PTPRD: variants seen among roughly 807,000 people sequenced by gnomAD.
PTPRD encodes the protein protein tyrosine phosphatase receptor type D.
A neutral mutation model predicts 214.5 loss-of-function variants in PTPRD; 34 were observed. The ratio of observed to expected loss-of-function variants is 0.16; its 90% confidence interval spans 0.12 to 0.21. The LOEUF (loss-of-function observed/expected upper bound fraction) is 0.21. PTPRD is among the 10% of genes least tolerant of loss of function. The pLI is 1.00. For missense variants in PTPRD, 2,545 were observed against 2,398.7 expected, an observed-to-expected ratio of 1.06 and a Z score of -1.27; for synonymous variants, 1,128 against 845.7, an observed-to-expected ratio of 1.33 and a Z score of -5.79.
At chr9:8,849,791 G>T (rs982512910) in intron 11 of PTPRD, among the ~76,000 whole-genome samples, 5 of 152,186 alleles carry the variant, frequency 3.3e-5, no homozygotes, top group African/African-American at 1.2e-4. Context: ...TTTGGGAGCA[G>T]ACTGCAAAGG....
At chr9:9,149,206 A>G (rs1359981268) in intron 10 of PTPRD, among the ~76,000 whole-genome samples, 1 of 152,206 alleles carries the variant, frequency 6.6e-6, no homozygotes, top group Non-Finnish European at 1.5e-5. Flanking sequence ...GAATAATAAC[A>G]TTATCTACCT....
rs547497776 is a variant in PTPRD at position 9,457,916 on chromosome 9, C to T, written c.-236-60434G>A. ...CCTACTACCATCATTGGTGGTGTTT[C>T]CCGTCTAACATTGTCATGTCTAAAA... On this transcript the variant is annotated intron_variant, in intron 8 of 45. Coordinates refer to ENST00000381196, the MANE Select transcript of PTPRD (RefSeq NM_002839.4). Among the ~76,000 whole-genome samples, 9 of 152,082 alleles carry T rather than the reference C, an allele frequency of 5.9e-5. No individual in the cohort carries two copies. The South Asian group carries it at 1.7e-3, about 28-fold the overall frequency.
intron 2 of PTPRD, among the ~76,000 whole-genome samples, chr9:10,393,686 CTA>C (rs1042814946): frequency 2.1e-5 from 3 of 144,558 alleles, no homozygotes; most frequent in African/African-American, 2.5e-5. Flanking sequence ...TTGGGTCTTG[CTA>C]TATATATATA....
chr9:9,275,075 T>TAAA (rs1555158934), intron 9 of PTPRD, among the ~76,000 whole-genome samples: 1 of 76,876 alleles, frequency 1.3e-5, no homozygotes, highest in Non-Finnish European at 2.4e-5. Flanking sequence ...ATTATATATA[T>TAAA]ATATATAATA....
intron 2 of PTPRD, among the ~76,000 whole-genome samples, chr9:10,427,215 G>A (rs879445258): frequency 3.4e-4 from 51 of 152,076 alleles, no homozygotes; most frequent in Admixed American, 3.3e-3. Context: ...CTTTTGGCCA[G>A]GATTTATACT....
intron 11 of PTPRD, among the ~76,000 whole-genome samples, chr9:8,779,252 A>G (rs562443970): frequency 2.0e-5 from 3 of 152,194 alleles, no homozygotes; most frequent in African/African-American, 7.2e-5. Flanking sequence ...ATAGGAAGCC[A>G]TTTTAATTCA....
At chr9:10,247,156 T>G (rs1281843371) in intron 3 of PTPRD, among the ~76,000 whole-genome samples, 1 of 152,102 alleles carries the variant, frequency 6.6e-6, no homozygotes, top group Non-Finnish European at 1.5e-5. Context: ...ACTAGTTTGA[T>G]TAGTCATAAT....
At chr9:10,490,165 G>A (rs1478214165) in intron 2 of PTPRD, among the ~76,000 whole-genome samples, 1 of 152,120 alleles carries the variant, frequency 6.6e-6, no homozygotes, top group Non-Finnish European at 1.5e-5. Flanking sequence ...ATCTTTTGGA[G>A]GGATATAGTT....
At chr9:9,848,658 T>C (rs1290590700) in intron 5 of PTPRD, among the ~76,000 whole-genome samples, 1 of 152,064 alleles carries the variant, frequency 6.6e-6, no homozygotes, top group African/African-American at 2.4e-5. Flanking sequence ...GTAACACATG[T>C]TAAAGAGATT....
intron 8 of PTPRD, among the ~76,000 whole-genome samples, chr9:9,429,178 G>C (rs1297966101): frequency 6.6e-6 from 1 of 152,070 alleles, no homozygotes; most frequent in Non-Finnish European, 1.5e-5. Flanking sequence ...GAAGAAAAGA[G>C]AGAAGAATCA....
chr9:10,258,151 T>C (rs1415819252), intron 3 of PTPRD, among the ~76,000 whole-genome samples: 2 of 152,204 alleles, frequency 1.3e-5, no homozygotes, highest in African/African-American at 2.4e-5. Flanking sequence ...CCAACAGATA[T>C]CCTTTCTCGT....
Position 9,134,136 on chromosome 9 carries a change from A to C in PTPRD, c.-143+49168T>G, listed in dbSNP as rs543072652. Among the ~76,000 whole-genome samples, 746 of 123,016 alleles carry C rather than the reference A, an allele frequency of 6.1e-3. 37 individuals are homozygous for C. Among genetic ancestry groups the C allele is most frequent in the African/African-American group, 0.025 (671 of 27,272 alleles). 80.7% of individuals were successfully genotyped at this position (123,016 alleles called of 152,430 possible). On this transcript the variant is annotated intron_variant, in intron 10 of 45. Transcript: ENST00000381196. The stretch of plus-strand genomic sequence containing the variant: ...GCTGGACTGCGGACTGCAGTGGCGC[A>C]ATCTCGGCTCACTGCAAGCTCCGCT...
intron 21 of PTPRD, among the ~76,000 whole-genome samples, chr9:8,507,905 T>TA (rs2097574524): frequency 6.6e-6 from 1 of 152,146 alleles, no homozygotes; most frequent in Non-Finnish European, 1.5e-5. Context: ...ATCCTACCTT[T>TA]ACGCCAATAA....
chr9:10,450,921 A>G (rs2098837287), intron 2 of PTPRD, among the ~76,000 whole-genome samples: 1 of 151,934 alleles, frequency 6.6e-6, no homozygotes, highest in African/African-American at 2.4e-5. Flanking sequence ...TTCTTAACAC[A>G]TTTGATTTAT....
chr9:10,139,260 A>G (rs2098965110), intron 3 of PTPRD, among the ~76,000 whole-genome samples: 1 of 151,088 alleles, frequency 6.6e-6, no homozygotes. Context: ...AGACAAATTA[A>G]GAATGCAAAC....
At chr9:10,034,233 A>G (rs975165438) in intron 3 of PTPRD, among the ~76,000 whole-genome samples, 4 of 152,044 alleles carry the variant, frequency 2.6e-5, no homozygotes, top group African/African-American at 7.2e-5. Flanking sequence ...AATGCCAAAC[A>G]ATTGTCTTCA....
intron 7 of PTPRD, among the ~76,000 whole-genome samples, chr9:9,685,545 T>C (rs1488615801): frequency 1.3e-5 from 2 of 151,336 alleles, no homozygotes; most frequent in Non-Finnish European, 3.0e-5. Context: ...CTGGCAATAT[T>C]TTAAAACATA....
At chr9:9,768,637 G>C (rs974486386) in intron 5 of PTPRD, among the ~76,000 whole-genome samples, 1 of 152,022 alleles carries the variant, frequency 6.6e-6, no homozygotes, top group Non-Finnish European at 1.5e-5. Context: ...ATAATTTTAT[G>C]TTCTATGCTT....
intron 8 of PTPRD, among the ~76,000 whole-genome samples, chr9:9,405,877 G>A (rs1388504689): frequency 6.6e-6 from 1 of 151,816 alleles, no homozygotes; most frequent in African/African-American, 2.4e-5. Flanking sequence ...TCTCTTTCTT[G>A]AGATAATTTG....
Sources: gnomAD v4.1 joint callset for allele counts (sites outside exome capture counted in the v4.1 genomes callset) on GRCh38, gnomAD v4.1.1 for gene constraint, MANE v1.5 for transcripts, NCBI Gene and HGNC (gene_info 2026-07-23, HGNC 2026-07-21) for gene names.